PYM1: variants seen among roughly 807,000 people sequenced by gnomAD.
PYM1 encodes the protein partner of Y14 and mago.
Under a neutral mutation model 20.7 loss-of-function variants are expected in PYM1, and 7 were observed. The ratio of observed to expected loss-of-function variants is 0.34; its 90% CI spans 0.19 to 0.64. PYM1 has a LOEUF of 0.64. Among genes scored for constraint, PYM1 ranks in the 30% least tolerant of loss-of-function variants. PYM1 has a pLI of 0.74. For missense variants in PYM1, 194 were observed against 250.0 expected, an observed-to-expected ratio of 0.78 and a Z score of 1.51; for synonymous variants, 100 against 99.2, an observed-to-expected ratio of 1.01 and a Z score of -0.05.
chr12:55,921,061 CAA>C (rs1883090016), intron 1 of PYM1, among the ~76,000 whole-genome samples: 1 of 152,042 alleles, frequency 6.6e-6, no homozygotes, highest in South Asian at 2.1e-4. Flanking sequence ...AGAAATGAAA[CAA>C]GAGAGGGACT....
chr12:55,906,607 G>C (rs898991002), intron 1 of PYM1, among the ~76,000 whole-genome samples: 1 of 152,114 alleles, frequency 6.6e-6, no homozygotes, highest in Non-Finnish European at 1.5e-5. Context: ...ACCACACTTT[G>C]AGAATCGCTG....
chr12:55,906,537 A>G (rs1253449577), intron 1 of PYM1, among the ~76,000 whole-genome samples: 1 of 152,180 alleles, frequency 6.6e-6, no homozygotes, highest in Non-Finnish European at 1.5e-5. Context: ...CATGATTATG[A>G]GAATAGTTTT....
intron 1 of PYM1, among the ~76,000 whole-genome samples, chr12:55,910,366 C>T (rs1478877101): frequency 4.0e-5 from 6 of 151,676 alleles, no homozygotes; most frequent in Admixed American, 3.3e-4. Context: ...CTGCAATCTC[C>T]GCCTCCCCGG....
intron 1 of PYM1, among the ~76,000 whole-genome samples, chr12:55,916,911 G>C (rs1436374913): frequency 6.6e-6 from 1 of 152,136 alleles, no homozygotes; most frequent in African/African-American, 2.4e-5. Context: ...AGGAGTTCAA[G>C]ACCAGCCTGG....
intron 1 of PYM1, among the ~76,000 whole-genome samples, chr12:55,905,758 ATTTAT>A (rs1447234369): frequency 1.5e-5 from 2 of 135,348 alleles, no homozygotes; most frequent in Non-Finnish European, 3.1e-5. Flanking sequence ...ATTTTGGAAA[ATTTAT>A]TTTATATTAT....
intron 1 of PYM1, among the ~76,000 whole-genome samples, chr12:55,909,842 C>G (rs1444488835): frequency 6.6e-6 from 1 of 151,756 alleles, no homozygotes; most frequent in Non-Finnish European, 1.5e-5. Context: ...CAGTTACTAT[C>G]GGAAAAAATA....
intron 1 of PYM1, among the ~76,000 whole-genome samples, chr12:55,922,651 T>C (rs1035128704): frequency 1.8e-4 from 28 of 151,922 alleles, no homozygotes; most frequent in African/African-American, 6.8e-4. Flanking sequence ...AAAAAATCAT[T>C]GTGATACTAT....
intron 1 of PYM1, chr12:55,927,439 C>G: frequency 1.4e-6 from 1 of 706,638 alleles, no homozygotes; most frequent in Non-Finnish European, 2.5e-6. Flanking sequence ...GAAAAGGGCG[C>G]AAGGCCCACC....
chr12:55,924,351 C>A (rs527425652), intron 1 of PYM1, among the ~76,000 whole-genome samples: 2 of 152,164 alleles, frequency 1.3e-5, no homozygotes, highest in African/African-American at 4.8e-5. Flanking sequence ...TCTTCATATT[C>A]GAGAAATCTG....
At chr12:55,902,874 T>C (rs1184915554) in intron 2 of PYM1, among the ~76,000 whole-genome samples, 1 of 151,906 alleles carries the variant, frequency 6.6e-6, no homozygotes, top group Non-Finnish European at 1.5e-5. Context: ...TTCAAGAGAT[T>C]CTCCTGCCTC....
At chr12:55,905,958 ATCTAATAG>A in intron 1 of PYM1, among the ~76,000 whole-genome samples, 3 of 127,760 alleles carry the variant, frequency 2.3e-5, no homozygotes, top group African/African-American at 3.4e-5. Context: ...TATTATATAT[ATCTAATAG>A]ATATATATAT....
chr12:55,903,487 T>C lies in PYM1; in HGVS notation c.38-7A>G. 1 of 1,612,396 alleles carries C rather than the reference T, an allele frequency of 6.2e-7. No individual in the cohort carries two copies. Among genetic ancestry groups the C allele is most frequent in the Non-Finnish European group, 8.5e-7 (1 of 1,179,452 alleles). Reference sequence around the variant, plus strand: ...GTTGACGCGATATACTTGCCTAAAATAAGAAAAATCAAGTTGAAAATTACT... The same window carrying C: ...GTTGACGCGATATACTTGCCTAAAACAAGAAAAATCAAGTTGAAAATTACT... On this transcript the variant is annotated splice_region_variant and splice_polypyrimidine_tract_variant and intron_variant, in intron 1 of 2. Coordinates refer to ENST00000408946, the MANE Select transcript of PYM1 (RefSeq NM_032345.3).
chr12:55,921,931 C>G (rs1171845538), intron 1 of PYM1, among the ~76,000 whole-genome samples: 1 of 152,128 alleles, frequency 6.6e-6, no homozygotes, highest in Non-Finnish European at 1.5e-5. Flanking sequence ...GGATGGAGTA[C>G]AGTGGCACAA....
intron 1 of PYM1, among the ~76,000 whole-genome samples, chr12:55,917,894 A>C (rs376849093): frequency 1.8e-4 from 27 of 151,990 alleles, no homozygotes; most frequent in African/African-American, 6.5e-4. Context: ...CGGGAGATAG[A>C]GGTTGTAGTG....
intron 1 of PYM1, among the ~76,000 whole-genome samples, chr12:55,917,806 A>C (rs1883033184): frequency 1.3e-5 from 2 of 151,928 alleles, no homozygotes; most frequent in African/African-American, 4.8e-5. Context: ...TACTAAATAC[A>C]AAACTCAGCC....
At chr12:55,908,880 A>G (rs757681344) in intron 1 of PYM1, among the ~76,000 whole-genome samples, 1 of 152,106 alleles carries the variant, frequency 6.6e-6, no homozygotes, top group African/African-American at 2.4e-5. Context: ...AAACAAAAAA[A>G]GTTGTTAAAG....
intron 1 of PYM1, among the ~76,000 whole-genome samples, chr12:55,906,201 C>T (rs2136258734): frequency 1.4e-5 from 2 of 148,094 alleles, no homozygotes; most frequent in South Asian, 2.1e-4. Context: ...AAAGTTTGTT[C>T]AGCTTGCAAT....
At chr12:55,905,780 ATTAT>A (rs1300933207) in intron 1 of PYM1, among the ~76,000 whole-genome samples, 3 of 131,262 alleles carry the variant, frequency 2.3e-5, no homozygotes, top group Non-Finnish European at 4.8e-5. Context: ...TTATATATAT[ATTAT>A]TATTATTATA....
At chr12:55,925,616 A>G (rs994747323) in intron 1 of PYM1, among the ~76,000 whole-genome samples, 3 of 152,256 alleles carry the variant, frequency 2.0e-5, no homozygotes, top group African/African-American at 7.2e-5. Flanking sequence ...AGTTTTACAG[A>G]AACTGCTATA....
Sources: gnomAD v4.1 joint callset for allele counts (sites outside exome capture counted in the v4.1 genomes callset) on GRCh38, gnomAD v4.1.1 for gene constraint, MANE v1.5 for transcripts, NCBI Gene and HGNC (gene_info 2026-07-23, HGNC 2026-07-21) for gene names.